SH3PXD2A: variants seen among roughly 807,000 people sequenced by gnomAD.
The protein encoded by SH3PXD2A is SH3 and PX domain-containing protein 2A.
In SH3PXD2A, 32 loss-of-function variants were observed where a neutral mutation model predicts 115.2. The observed-to-expected ratio is 0.28, with a 90% CI of 0.21 to 0.37. The LOEUF (loss-of-function observed/expected upper bound fraction) is 0.37. Among genes scored for constraint, SH3PXD2A ranks in the 10% least tolerant of loss-of-function variants. The probability of loss-of-function intolerance (pLI) is 1.00; values close to 1 mark genes in which losing one functional copy is unlikely to be tolerated. For missense variants in SH3PXD2A, 1,328 were observed against 1,498.7 expected (o/e 0.89, Z 1.88); for synonymous variants, 610 against 629.1 (o/e 0.97, Z 0.45).
At chr10:103,788,587 C>A (rs1564889177) in intron 2 of SH3PXD2A, among the ~76,000 whole-genome samples, 1 of 152,188 alleles carries the variant, frequency 6.6e-6, no homozygotes, top group African/African-American at 2.4e-5. Context: ...GTCCCTGAGG[C>A]CGGGTGCGGT....
chr10:103,836,268 A>C (rs1174715659), intron 1 of SH3PXD2A, among the ~76,000 whole-genome samples: 1 of 152,140 alleles, frequency 6.6e-6, no homozygotes, highest in Non-Finnish European at 1.5e-5. Context: ...CTCAAGGATA[A>C]AAGATTGCCC....
Position 103,601,804 on chromosome 10 carries a change from C to G in SH3PXD2A, c.*12G>C, listed in dbSNP as rs1353843590. ...AGAGGCACACTGAGGCTGGAAGAGC[C>G]CAGGCCCTCTGCTAGTTCTTTTTCT... On this transcript the variant is annotated 3_prime_UTR_variant, in exon 15 of 15. Coordinates refer to ENST00000369774, the MANE Select transcript of SH3PXD2A (RefSeq NM_001394015.1). 2 of 1,576,826 alleles carry G rather than the reference C, an allele frequency of 1.3e-6. No homozygotes were observed. Among genetic ancestry groups the G allele is most frequent in the South Asian group, 2.4e-5 (2 of 84,886 alleles).
chr10:103,676,054 A>AT (rs368353910), intron 6 of SH3PXD2A, among the ~76,000 whole-genome samples: 1 of 151,998 alleles, frequency 6.6e-6, no homozygotes. Context: ...GAAAAAAAAA[A>AT]GAAAAGTTAA....
intron 2 of SH3PXD2A, among the ~76,000 whole-genome samples, chr10:103,796,617 C>T (rs2039091846): frequency 6.6e-6 from 1 of 152,202 alleles, no homozygotes; most frequent in African/African-American, 2.4e-5. Flanking sequence ...TCAGCCTGCG[C>T]CACTTCTGCT....
rs939511858 is a variant in SH3PXD2A, at chr10:103,764,113, C to T, written c.229+2981G>A. 1.4e-4 allele frequency among the ~76,000 whole-genome samples: 21 copies of T among 152,238 alleles called. 1 individual carries two copies. Among genetic ancestry groups the T allele is most frequent in the Non-Finnish European group, 3.1e-4 (21 of 68,048 alleles). On this transcript the variant is annotated intron_variant, in intron 3 of 14. Transcript: ENST00000369774. ...TCACTGCCCTTCTCTGACACCCTCT[C>T]CTCCTGGAAGCCCTGTGCATCAGGG...
intron 5 of SH3PXD2A, among the ~76,000 whole-genome samples, chr10:103,723,286 G>A (rs2038204304): frequency 6.6e-6 from 1 of 152,150 alleles, no homozygotes; most frequent in Admixed American, 6.5e-5. Flanking sequence ...TATGGAGTGA[G>A]CTGATTCATC....
intron 6 of SH3PXD2A, among the ~76,000 whole-genome samples, chr10:103,678,729 G>T (rs1264139653): frequency 2.0e-5 from 3 of 152,128 alleles, no homozygotes; most frequent in African/African-American, 7.2e-5. Context: ...TATTTCATGT[G>T]CATCTCCTAG....
At position 103,634,780 on chromosome 10, in the gene SH3PXD2A, C is replaced by G. The variant is rs149544758; in HGVS notation, c.605-7578G>C. Among the ~76,000 whole-genome samples the G allele has an allele frequency of 1.7e-3, 261 of 152,222 alleles. 1 individual carries two copies. The highest frequency in any genetic ancestry group is 6.0e-3 in the African/African-American group (251 of 41,538). The stretch of plus-strand genomic sequence containing the variant: ...TTAGGGGTATTCAGTCAGAAAGACT[C>G]GAAGTCAGGTCCTGGCTTGCTGCTT... On this transcript the variant is annotated intron_variant, in intron 8 of 14. Transcript: ENST00000369774.
At chr10:103,828,275 A>C (rs1320958307) in intron 1 of SH3PXD2A, among the ~76,000 whole-genome samples, 1 of 152,114 alleles carries the variant, frequency 6.6e-6, no homozygotes, top group Non-Finnish European at 1.5e-5. Context: ...CATTCTCCAC[A>C]CCTGGGAGTT....
At chr10:103,682,721 C>A (rs961037294) in intron 6 of SH3PXD2A, among the ~76,000 whole-genome samples, 2 of 151,064 alleles carry the variant, frequency 1.3e-5, no homozygotes, top group Admixed American at 1.3e-4. Context: ...CGTGCCATTG[C>A]ACTCCGGCCT....
chr10:103,821,921 T>C (rs1453019410), intron 1 of SH3PXD2A, among the ~76,000 whole-genome samples: 1 of 124,554 alleles, frequency 8.0e-6, no homozygotes, highest in Non-Finnish European at 1.7e-5. Context: ...TTTTTTTTTT[T>C]GAGACAAAGT....
At chr10:103,660,954 AG>A in intron 8 of SH3PXD2A, 28 bp downstream of exon 8, 1 of 1,612,440 alleles carries the variant, frequency 6.2e-7, no homozygotes, top group Non-Finnish European at 8.5e-7. Context: ...CCGGAACCCC[AG>A]TGGACGGCCA....
At chr10:103,816,539 G>C (rs1589467804) in intron 1 of SH3PXD2A, among the ~76,000 whole-genome samples, 1 of 152,264 alleles carries the variant, frequency 6.6e-6, no homozygotes, top group South Asian at 2.1e-4. Context: ...ATTCACACCT[G>C]CATACACCGT....
chr10:103,602,178 GTCGGACGCC>G lies in SH3PXD2A; in HGVS notation c.3031_3039del (p.Gly1011_Arg1013del). On this transcript the variant is annotated inframe_deletion, in exon 15 of 15. Coordinates refer to ENST00000369774, the MANE Select transcript of SH3PXD2A (RefSeq NM_001394015.1). The stretch of plus-strand genomic sequence containing the variant: ...CGAGCAGTGCTAAAGGAGGAGTTCC[GTCGGACGCC>G]TCGGAGGCCATCAGTGGCCGTGAGT... 3 of 1,575,650 alleles carry G rather than the reference GTCGGACGCC, an allele frequency of 1.9e-6. No individual in the cohort carries two copies. The highest frequency in any genetic ancestry group is 2.2e-5 in the East Asian group (1 of 44,484).
At chr10:103,662,545 G>A (rs2037328168) in intron 7 of SH3PXD2A, among the ~76,000 whole-genome samples, 1 of 150,052 alleles carries the variant, frequency 6.7e-6, no homozygotes, top group Non-Finnish European at 1.5e-5. Context: ...GACTACAGGC[G>A]CCCGCCACCG....
intron 2 of SH3PXD2A, among the ~76,000 whole-genome samples, chr10:103,792,695 G>A (rs2039046795): frequency 6.6e-6 from 1 of 152,174 alleles, no homozygotes; most frequent in Non-Finnish European, 1.5e-5. Flanking sequence ...TGGAGCACAT[G>A]CCCTTAGCCA....
chr10:103,609,158 A>AG (rs565359163), intron 13 of SH3PXD2A: 3 of 135,662 alleles, frequency 2.2e-5, no homozygotes, highest in African/African-American at 5.8e-5. Context: ...TCTGTCTCTG[A>AG]AAAAAAAAAA....
Position 103,601,749 on chromosome 10 carries a change from C to G in SH3PXD2A, c.*67G>C. 2.5e-6 allele frequency: 1 copy of G among 398,176 alleles called. No homozygotes were observed. The highest frequency in any genetic ancestry group is 3.7e-6 in the Non-Finnish European group (1 of 267,662). 24.7% of individuals were successfully genotyped at this position (398,176 alleles called of 1,614,324 possible). On this transcript the variant is annotated 3_prime_UTR_variant, in exon 15 of 15. Coordinates refer to ENST00000369774, the MANE Select transcript of SH3PXD2A (RefSeq NM_001394015.1). ...CCCATTTTTTCCTTTCCCTTTTGTTCGTCTCACCGCTCATCCAGTGGGCGG... is the reference window on the plus strand; with the variant it reads ...CCCATTTTTTCCTTTCCCTTTTGTTGGTCTCACCGCTCATCCAGTGGGCGG...
chr10:103,695,039 C>T (rs1342844918), intron 5 of SH3PXD2A, among the ~76,000 whole-genome samples: 1 of 152,130 alleles, frequency 6.6e-6, no homozygotes, highest in East Asian at 1.9e-4. Flanking sequence ...GAAGACTTTC[C>T]ACTCCCAAGG....
Sources: gnomAD v4.1 joint callset for allele counts (sites outside exome capture counted in the v4.1 genomes callset) on GRCh38, gnomAD v4.1.1 for gene constraint, MANE v1.5 for transcripts, NCBI Gene and HGNC (gene_info 2026-07-23, HGNC 2026-07-21) for gene names.